Variants in PCLO observed in about 807,000 individuals in gnomAD.
The protein encoded by PCLO is protein piccolo.
A neutral mutation model predicts 427.5 loss-of-function variants in PCLO; 82 were observed. The observed-to-expected ratio is 0.19, with a 90% confidence interval of 0.16 to 0.23. The LOEUF (loss-of-function observed/expected upper bound fraction) is 0.23. Ranked by LOEUF, PCLO falls within the 10% of genes least tolerant of loss-of-function variation. The pLI is 1.00. For synonymous variants in PCLO, 2,357 were observed against 2,155.4 expected, an observed-to-expected ratio of 1.09 and a Z score of -2.59; for missense variants, 6,239 against 6,115.9, an observed-to-expected ratio of 1.02 and a Z score of -0.67.
In PCLO at chr7:82,847,228, C is replaced by A. The variant is rs753304067; in HGVS notation, c.13674G>T (p.Trp4558Cys). 8 of 1,591,828 alleles carry A rather than the reference C, an allele frequency of 5.0e-6. No individual in the cohort carries two copies. Among genetic ancestry groups the A allele is most frequent in the Non-Finnish European group, 6.9e-6 (8 of 1,167,122 alleles). ...KLMEGMQVLE[W>C]NGIPLTSKTY... is the part of the protein sequence containing the mutation. ...TTTTAGAAGTCAAGGGAATTCCATT[C>A]CATTCCAATACTTGCATCCCTAGAA... Residue 4558 changes from tryptophan (W) to cysteine (C), a missense_variant, in exon 11 of 25, where the codon TGG (tryptophan) becomes TGT (cysteine). Physicochemically the swap from Trp to Cys is radical, Grantham distance 215. Coordinates refer to ENST00000333891, the MANE Select transcript of PCLO (RefSeq NM_033026.6).
At chr7:82,776,933 T>C (rs879365772) in intron 22 of PCLO, among the ~76,000 whole-genome samples, 126 of 148,102 alleles carry the variant, frequency 8.5e-4, no homozygotes, top group Non-Finnish European at 1.6e-3. Flanking sequence ...CACACACACA[T>C]ACACACATAC....
intron 2 of PCLO, among the ~76,000 whole-genome samples, chr7:83,141,709 T>C (rs1001410765): frequency 6.6e-6 from 1 of 152,184 alleles, no homozygotes; most frequent in East Asian, 1.9e-4. Flanking sequence ...TACAAGTTCA[T>C]TGGCTAAAGT....
chr7:82,813,629 T>G (rs912961887), intron 20 of PCLO, among the ~76,000 whole-genome samples: 3 of 151,714 alleles, frequency 2.0e-5, no homozygotes, highest in Admixed American at 1.3e-4. Flanking sequence ...GAGAGATTCA[T>G]GAAGACAGTA....
At chr7:83,050,208 GAAAAAA>G (rs556193471) in intron 3 of PCLO, among the ~76,000 whole-genome samples, 612 of 5,360 alleles carry the variant, frequency 0.11, no homozygotes, top group Non-Finnish European at 0.15. Flanking sequence ...CTGAAAAACT[GAAAAAA>G]AAAAAAAAAA....
chr7:82,814,167 G>A (rs975594534), intron 20 of PCLO, among the ~76,000 whole-genome samples: 2 of 151,426 alleles, frequency 1.3e-5, no homozygotes, highest in East Asian at 1.9e-4. Flanking sequence ...TAACAATTAC[G>A]GATGTGTAAA....
chr7:82,772,821 AT>A (rs1311698237), intron 22 of PCLO, among the ~76,000 whole-genome samples: 1 of 152,260 alleles, frequency 6.6e-6, no homozygotes, highest in Admixed American at 6.5e-5. Context: ...ATTTCTTTAA[AT>A]TTTTTTGTAA....
At chr7:82,940,231 G>A (rs2116377531) in intron 6 of PCLO, among the ~76,000 whole-genome samples, 1 of 152,264 alleles carries the variant, frequency 6.6e-6, no homozygotes, top group East Asian at 1.9e-4. Context: ...CTATTGAAAT[G>A]ACCAGTAGAG....
chr7:82,942,370 A>T (rs571512382), intron 6 of PCLO, among the ~76,000 whole-genome samples: 1 of 152,206 alleles, frequency 6.6e-6, no homozygotes, highest in Non-Finnish European at 1.5e-5. Context: ...TCAACGAACA[A>T]TAAGAATACA....
At chr7:82,887,966 A>T (rs369168238) in intron 9 of PCLO, among the ~76,000 whole-genome samples, 1 of 152,128 alleles carries the variant, frequency 6.6e-6, no homozygotes, top group East Asian at 1.9e-4. Context: ...CTTATTCGGG[A>T]GGCTGAGGCA....
At chr7:82,975,143 A>G (rs1388327774) in intron 3 of PCLO, among the ~76,000 whole-genome samples, 1 of 152,198 alleles carries the variant, frequency 6.6e-6, no homozygotes, top group Non-Finnish European at 1.5e-5. Flanking sequence ...CAAAGCAAAA[A>G]AACTTAGACT....
intron 6 of PCLO, among the ~76,000 whole-genome samples, chr7:82,936,383 A>G (rs1225561490): frequency 1.3e-5 from 2 of 151,724 alleles, no homozygotes; most frequent in Admixed American, 6.6e-5. Context: ...CACTTCACAT[A>G]AGAAACATGA....
chr7:83,116,398 C>T (rs367836792), intron 3 of PCLO, among the ~76,000 whole-genome samples: 4 of 152,120 alleles, frequency 2.6e-5, no homozygotes, highest in African/African-American at 9.6e-5. Context: ...TGTTCTTATT[C>T]GAATATAAGA....
rs553809267 is a variant in PCLO at position 82,838,413 on chromosome 7, G to C, written c.14098-71C>G. 22 of 886,090 alleles carry C rather than the reference G, an allele frequency of 2.5e-5. No homozygotes were observed. In the South Asian group the frequency reaches 4.6e-4, roughly 18 times the overall value. The allele number at this position is 886,090 out of a possible 1,614,324, so 54.9% of individuals were successfully genotyped here. The stretch of plus-strand genomic sequence containing the variant: ...ATACATTATCATTCAATATTTACTA[G>C]TTTTTTTTAAAGAAAATTCTTATAA... On this transcript the variant is annotated intron_variant, in intron 14 of 24. Coordinates refer to ENST00000333891, the MANE Select transcript of PCLO (RefSeq NM_033026.6).
intron 9 of PCLO, among the ~76,000 whole-genome samples, chr7:82,882,895 G>A (rs1202583429): frequency 1.3e-5 from 2 of 151,910 alleles, no homozygotes; most frequent in Admixed American, 1.3e-4. Flanking sequence ...TTATTAATCT[G>A]CTACAATGAA....
intron 5 of PCLO, 26 bp from the exon 6 acceptor site, chr7:82,951,516 C>G (rs768387595): frequency 5.6e-6 from 8 of 1,434,880 alleles, no homozygotes; most frequent in African/African-American, 2.8e-5. Flanking sequence ...GAGTTATAGT[C>G]CAGTTCCCAG....
At chr7:83,128,577 G>A (rs570810272) in intron 3 of PCLO, among the ~76,000 whole-genome samples, 75 of 151,950 alleles carry the variant, frequency 4.9e-4, no homozygotes, top group Non-Finnish European at 9.0e-4. Context: ...ATAACCTATG[G>A]CCCAATAATT....
intron 3 of PCLO, among the ~76,000 whole-genome samples, chr7:83,013,881 T>C (rs1788145675): frequency 6.6e-6 from 1 of 152,208 alleles, no homozygotes. Flanking sequence ...ATGTGAAGTA[T>C]TCTTTGTTAT....
chr7:82,841,356 C>A (rs57121344), intron 14 of PCLO, 103 bp downstream of exon 14: 6 of 726,000 alleles, frequency 8.3e-6, no homozygotes, highest in Non-Finnish European at 1.5e-5. Flanking sequence ...GTATATATTA[C>A]AGAATAAGAA....
chr7:82,998,226 T>C (rs1334527372), intron 3 of PCLO, among the ~76,000 whole-genome samples: 2 of 151,936 alleles, frequency 1.3e-5, no homozygotes, highest in African/African-American at 4.8e-5. Flanking sequence ...AAGTCACTAA[T>C]GGGAGTTATG....
Sources: gnomAD v4.1 joint callset for allele counts (sites outside exome capture counted in the v4.1 genomes callset) on GRCh38, gnomAD v4.1.1 for gene constraint, MANE v1.5 for transcripts, NCBI Gene and HGNC (gene_info 2026-07-23, HGNC 2026-07-21) for gene names.